HPSE2: variants seen among roughly 807,000 people sequenced by gnomAD.
HPSE2 encodes the protein heparanase 2 (inactive), also known as inactive heparanase-2.
A neutral mutation model predicts 60.5 loss-of-function variants in HPSE2; 38 were observed. The ratio of observed to expected loss-of-function variants is 0.63; its 90% CI spans 0.48 to 0.82. HPSE2 has a LOEUF of 0.82. HPSE2 is among the 40% of genes least tolerant of loss of function. The pLI is 0.00. For missense variants in HPSE2, 713 were observed against 740.4 expected (o/e 0.96, Z 0.43); for synonymous variants, 295 against 293.2 (o/e 1.01, Z -0.06).
intron 3 of HPSE2, among the ~76,000 whole-genome samples, chr10:98,999,212 G>T (rs1347797192): frequency 4.0e-5 from 6 of 149,586 alleles, no homozygotes; most frequent in Non-Finnish European, 8.9e-5. Context: ...TGTGTAAAGA[G>T]AGAAAAAGAG....
intron 3 of HPSE2, among the ~76,000 whole-genome samples, chr10:98,944,534 T>G (rs1250561360): frequency 6.6e-6 from 1 of 152,186 alleles, no homozygotes; most frequent in Non-Finnish European, 1.5e-5. Flanking sequence ...GCGCACCTTC[T>G]CAGTCTGGAA....
chr10:98,661,525 G>A (rs1947224521), intron 6 of HPSE2, among the ~76,000 whole-genome samples: 1 of 152,168 alleles, frequency 6.6e-6, no homozygotes, highest in South Asian at 2.1e-4. Flanking sequence ...GCACATATAA[G>A]CAGAGTATAT....
rs75487650 is a variant in HPSE2 at position 98,496,163 on chromosome 10, T to C, written c.1321-5967A>G. Among the ~76,000 whole-genome samples the C allele has an allele frequency of 3.9e-3, 595 of 152,304 alleles. 5 individuals are homozygous for C. The highest frequency in any genetic ancestry group is 0.014 in the African/African-American group (562 of 41,558). ...AACTTAAGGTCTTCTCAGGTCTTTT[T>C]TGAGCCTGCACCTTTTCTTGGGTAT... On this transcript the variant is annotated intron_variant, in intron 9 of 11. Transcript: ENST00000370552.
intron 9 of HPSE2, among the ~76,000 whole-genome samples, chr10:98,587,706 T>C (rs1458429246): frequency 1.3e-5 from 2 of 152,168 alleles, no homozygotes; most frequent in African/African-American, 4.8e-5. Flanking sequence ...TGAATCCCTA[T>C]AAACACTTCT....
chr10:98,832,353 C>A (rs1466130572), intron 3 of HPSE2, among the ~76,000 whole-genome samples: 2 of 152,144 alleles, frequency 1.3e-5, no homozygotes, highest in African/African-American at 2.4e-5. Context: ...GGAATGAGGT[C>A]TGGGTTCAAT....
At chr10:98,632,750 A>G (rs915299287) in intron 7 of HPSE2, among the ~76,000 whole-genome samples, 1 of 152,098 alleles carries the variant, frequency 6.6e-6, no homozygotes, top group Non-Finnish European at 1.5e-5. Flanking sequence ...ATGGTCAAAT[A>G]TTTACATAAT....
chr10:99,065,649 A>G (rs1842591124), intron 3 of HPSE2, among the ~76,000 whole-genome samples: 1 of 152,196 alleles, frequency 6.6e-6, no homozygotes, highest in Non-Finnish European at 1.5e-5. Flanking sequence ...GTTATGAAAG[A>G]GGAGGTCTAA....
At chr10:98,988,846 G>C (rs973782451) in intron 3 of HPSE2, among the ~76,000 whole-genome samples, 4 of 132,862 alleles carry the variant, frequency 3.0e-5, no homozygotes, top group African/African-American at 1.1e-4. Context: ...GACATGAACA[G>C]ACACTTCTCA....
intron 3 of HPSE2, among the ~76,000 whole-genome samples, chr10:98,937,418 C>G (rs1457531569): frequency 6.9e-6 from 1 of 144,444 alleles, no homozygotes; most frequent in Non-Finnish European, 1.5e-5. Context: ...TAAAAAACGG[C>G]GCACCAGGAG....
At chr10:98,554,522 T>C (rs1463839038) in intron 9 of HPSE2, among the ~76,000 whole-genome samples, 1 of 152,220 alleles carries the variant, frequency 6.6e-6, no homozygotes, top group Non-Finnish European at 1.5e-5. Context: ...TTTAAGTTCT[T>C]TGTGGTCGGA....
At chr10:98,466,259 T>C (rs949500945) in intron 11 of HPSE2, among the ~76,000 whole-genome samples, 7 of 152,146 alleles carry the variant, frequency 4.6e-5, no homozygotes, top group Admixed American at 2.0e-4. Context: ...GGAGCTGGTG[T>C]GTAGTTCAGG....
the HPSE2 span, among the ~76,000 whole-genome samples, chr10:99,249,512 T>G: frequency 6.6e-6 from 1 of 152,208 alleles, no homozygotes; most frequent in East Asian, 1.9e-4. Context: ...ACTAACTTGT[T>G]TTTGATTTTA....
At chr10:99,277,156 C>T in the HPSE2 span, among the ~76,000 whole-genome samples, 4 of 152,084 alleles carry the variant, frequency 2.6e-5, no homozygotes, top group Non-Finnish European at 4.4e-5. Flanking sequence ...ATCAAGATAT[C>T]CCGTGGGGAT....
chr10:98,909,843 A>G (rs1319713895), intron 3 of HPSE2, among the ~76,000 whole-genome samples: 1 of 152,144 alleles, frequency 6.6e-6, no homozygotes, highest in Admixed American at 6.5e-5. Flanking sequence ...AAGTTTAGTA[A>G]ACTATACTCG....
the HPSE2 span, among the ~76,000 whole-genome samples, chr10:99,242,685 T>C: frequency 2.2e-4 from 34 of 152,308 alleles, no homozygotes; most frequent in Middle Eastern, 3.4e-3. Flanking sequence ...AGTGTGGACT[T>C]TGGAGTCTGA....
At chr10:98,483,246 T>A (rs1260935235) in intron 10 of HPSE2, among the ~76,000 whole-genome samples, 1 of 152,168 alleles carries the variant, frequency 6.6e-6, no homozygotes, top group Non-Finnish European at 1.5e-5. Context: ...TATTACTCAG[T>A]TTTTACATAA....
At chr10:99,224,160 A>G (rs937567633) in intron 2 of HPSE2, among the ~76,000 whole-genome samples, 8 of 152,074 alleles carry the variant, frequency 5.3e-5, no homozygotes, top group Admixed American at 1.3e-4. Flanking sequence ...CATTTATTGA[A>G]TTGAGCAAAA....
At chr10:98,630,035 A>G (rs1341262361) in intron 7 of HPSE2, among the ~76,000 whole-genome samples, 1 of 152,166 alleles carries the variant, frequency 6.6e-6, no homozygotes, top group African/African-American at 2.4e-5. Flanking sequence ...ACCACAGGAT[A>G]AGATGCTAAC....
At chr10:98,942,191 C>T (rs1232309703) in intron 3 of HPSE2, among the ~76,000 whole-genome samples, 1 of 139,236 alleles carries the variant, frequency 7.2e-6, no homozygotes, top group Non-Finnish European at 1.5e-5. Flanking sequence ...ATGTCTAAAA[C>T]ACCAAAAGCA....
Sources: allele counts gnomAD v4.1 joint callset (sites outside exome capture counted in the v4.1 genomes callset), GRCh38; gene constraint gnomAD v4.1.1; transcripts MANE v1.5; gene names NCBI Gene and HGNC (gene_info 2026-07-23, HGNC 2026-07-21).